IQGAP1: variants seen among roughly 807,000 people sequenced by gnomAD.
The protein encoded by IQGAP1 is IQ motif containing GTPase activating protein 1.
In IQGAP1, 66 loss-of-function variants were observed where a neutral mutation model predicts 215.6. That is an observed-to-expected ratio of 0.31 (90% confidence interval 0.25 to 0.38). The LOEUF is 0.38. Among genes scored for constraint, IQGAP1 ranks in the 10% least tolerant of loss-of-function variants. The pLI is 1.00. For missense variants in IQGAP1, 1,712 were observed against 1,997.1 expected (o/e 0.86, Z 2.72); for synonymous variants, 772 against 728.7 (o/e 1.06, Z -0.96).
intron 11 of IQGAP1, among the ~76,000 whole-genome samples, chr15:90,450,801 T>TG (rs1402026053): frequency 1.4e-5 from 2 of 144,788 alleles, no homozygotes; most frequent in Non-Finnish European, 3.0e-5. Context: ...GGATTATTTG[T>TG]GGGGTTTTTT....
At chr15:90,391,891 TTAAC>T (rs1225580666) in intron 2 of IQGAP1, 24 of 152,296 alleles carry the variant, frequency 1.6e-4, no homozygotes, top group Admixed American at 9.8e-4. Flanking sequence ...ATATTTGTAA[TTAAC>T]GTTTAATAAA....
intron 2 of IQGAP1, among the ~76,000 whole-genome samples, chr15:90,392,803 G>A (rs1259470435): frequency 6.8e-6 from 1 of 146,226 alleles, no homozygotes; most frequent in East Asian, 2.0e-4. Flanking sequence ...GGAGGGCAGT[G>A]GCGCAATCTT....
intron 3 of IQGAP1, among the ~76,000 whole-genome samples, 200 bp downstream of exon 3, chr15:90,426,466 A>AATTT (rs1250917459): frequency 6.6e-6 from 1 of 152,100 alleles, no homozygotes; most frequent in African/African-American, 2.4e-5. Flanking sequence ...TCTCTTTTAG[A>AATTT]ATTTATCTGG....
intron 1 of IQGAP1, among the ~76,000 whole-genome samples, chr15:90,389,332 G>C (rs886723595): frequency 1.3e-5 from 2 of 150,034 alleles, no homozygotes; most frequent in Admixed American, 6.7e-5. Context: ...GTATGAGCAC[G>C]GGAGGTGACT....
At chr15:90,437,440 C>T (rs976051294) in intron 5 of IQGAP1, among the ~76,000 whole-genome samples, 6 of 152,016 alleles carry the variant, frequency 3.9e-5, no homozygotes, top group African/African-American at 1.2e-4. Flanking sequence ...GAAAAATATT[C>T]TCTTAATTAA....
At chr15:90,480,565 G>A (rs1204838481) in intron 26 of IQGAP1, among the ~76,000 whole-genome samples, 1 of 152,068 alleles carries the variant, frequency 6.6e-6, no homozygotes, top group East Asian at 1.9e-4. Flanking sequence ...CTCATAGAAT[G>A]TTTCTGTTGA....
At chr15:90,395,630 C>A (rs1964707951) in intron 2 of IQGAP1, among the ~76,000 whole-genome samples, 1 of 152,072 alleles carries the variant, frequency 6.6e-6, no homozygotes, top group Admixed American at 6.6e-5. Context: ...GGCTAAAGAG[C>A]AGTTGTATAG....
intron 2 of IQGAP1, among the ~76,000 whole-genome samples, chr15:90,397,374 C>A (rs576807504): frequency 6.6e-6 from 1 of 152,038 alleles, no homozygotes; most frequent in Non-Finnish European, 1.5e-5. Context: ...AGTTCTGATT[C>A]TGGTTTTGCA....
intron 10 of IQGAP1, 83 bp from the exon 11 acceptor site, chr15:90,449,476 G>A: frequency 8.9e-7 from 1 of 1,124,708 alleles, no homozygotes; most frequent in Non-Finnish European, 1.3e-6. Context: ...TGTCCCTAGT[G>A]ACTGCTTTTG....
chr15:90,477,272 T>C, intron 25 of IQGAP1, 42 bp downstream of exon 25: 1 of 1,509,518 alleles, frequency 6.6e-7, no homozygotes, highest in Non-Finnish European at 9.1e-7. Flanking sequence ...CTTCCCACTA[T>C]CAGAGGGGCT....
intron 2 of IQGAP1, among the ~76,000 whole-genome samples, chr15:90,395,683 T>G (rs980316434): frequency 6.6e-6 from 1 of 152,160 alleles, no homozygotes; most frequent in Non-Finnish European, 1.5e-5. Context: ...AGGTAACATT[T>G]AAATATGTGA....
chr15:90,493,411 A>G (rs1966232725), intron 35 of IQGAP1, among the ~76,000 whole-genome samples: 1 of 152,182 alleles, frequency 6.6e-6, no homozygotes, highest in Non-Finnish European at 1.5e-5. Flanking sequence ...TGCTGAGGAA[A>G]GTCTGATCCA....
chr15:90,394,135 C>CAA (rs56810085), intron 2 of IQGAP1, among the ~76,000 whole-genome samples: 35 of 74,232 alleles, frequency 4.7e-4, no homozygotes, highest in Admixed American at 7.4e-4. Context: ...AACTCTGTCT[C>CAA]AAAAAAAAAA....
intron 15 of IQGAP1, among the ~76,000 whole-genome samples, chr15:90,465,671 A>ATTTT (rs1555439882): frequency 0.26 from 22,744 of 89,126 alleles, 1,979 homozygotes; most frequent in African/African-American, 0.35. Context: ...TGGCCAAGCT[A>ATTTT]TGTTTGTTTG....
chr15:90,456,248 G>T lies in IQGAP1; in HGVS notation c.1709G>T (p.Gly570Val). The change falls in exon 15 of 38, where the codon GGA (glycine) becomes GTA (valine). Residue 570 changes from glycine (G) to valine (V), a missense_variant. Physicochemically the swap from Gly to Val is moderately radical, Grantham distance 109 (BLOSUM62 -3). Coordinates refer to ENST00000268182, the MANE Select transcript of IQGAP1 (RefSeq NM_003870.4). ...CAGATTCCTGCAGCTAAACTTGAGG[G>T]AGTCCTTGCAGAAGTGGCCCAGCAT... ...ALQIPAAKLE[G>V]VLAEVAQHYQ... 6.2e-7 allele frequency: 1 copy of T among 1,614,088 alleles called. No homozygotes were observed. The highest frequency in any genetic ancestry group is 2.2e-5 in the East Asian group (1 of 44,872).
intron 6 of IQGAP1, among the ~76,000 whole-genome samples, chr15:90,440,099 C>T (rs1042962824): frequency 6.6e-6 from 1 of 152,194 alleles, no homozygotes; most frequent in Non-Finnish European, 1.5e-5. Flanking sequence ...ATTTGGCTTT[C>T]TGCCTTAGAA....
In IQGAP1 at chr15:90,453,296, G is replaced by T. The variant is rs373268303; in HGVS notation, c.1487+4G>T. 10 of 1,607,416 alleles carry T rather than the reference G, an allele frequency of 6.2e-6. No homozygotes were observed. In the Middle Eastern group the frequency reaches 1.5e-3, roughly 240 times the overall value. On this transcript the variant is annotated splice_donor_region_variant and intron_variant, in intron 13 of 37. Coordinates refer to ENST00000268182, the MANE Select transcript of IQGAP1 (RefSeq NM_003870.4). ...TTGAGGAAGAAAACTGTCAGAGGTG[G>T]GTGTCCAGAGTGAAGGGAATAAATC... is the stretch of plus-strand genomic sequence containing the variant.
intron 26 of IQGAP1, 91 bp downstream of exon 26, chr15:90,477,980 C>T (rs1005085898): frequency 3.9e-5 from 32 of 828,452 alleles, no homozygotes; most frequent in Non-Finnish European, 5.6e-5. Context: ...AATATTAGTT[C>T]AAATAGTTTT....
chr15:90,487,461 G>C, intron 32 of IQGAP1, 34 bp from the exon 33 acceptor site: 1 of 1,481,366 alleles, frequency 6.8e-7, no homozygotes, highest in East Asian at 2.3e-5. Context: ...TAGAACACTG[G>C]TAATATTTAA....
Sources: gnomAD v4.1 joint callset for allele counts (sites outside exome capture counted in the v4.1 genomes callset) on GRCh38, gnomAD v4.1.1 for gene constraint, MANE v1.5 for transcripts, NCBI Gene and HGNC (gene_info 2026-07-23, HGNC 2026-07-21) for gene names.